The following DIDO1 variants were observed in gnomAD, a reference collection of about 807,000 sequenced individuals.
DIDO1 encodes death inducer-obliterator 1, also known as death-inducer obliterator 1.
DIDO1 carries 16 observed loss-of-function variants against 99.4 expected under a neutral mutation model. The observed-to-expected ratio is 0.16, with a 90% CI of 0.11 to 0.24. DIDO1 has a LOEUF of 0.24. Ranked by LOEUF, DIDO1 falls within the 10% of genes least tolerant of loss-of-function variation. The pLI, the probability that DIDO1 is intolerant of heterozygous loss-of-function variation, is 1.00. For synonymous variants in DIDO1, 1,366 were observed against 1,239.1 expected (o/e 1.10, Z -2.15); for missense variants, 2,996 against 3,014.0 (o/e 0.99, Z 0.14).
intron 5 of DIDO1, 24 bp downstream of exon 5, chr20:62,907,108 TGCGTCCACTGCCTGG>T: frequency 6.2e-7 from 1 of 1,605,284 alleles, no homozygotes; most frequent in Non-Finnish European, 8.5e-7. Flanking sequence ...CTCACGCCTG[TGCGTCCACTGCCTGG>T]GCGGCTGGTC....
At chr20:62,910,061 T>G in intron 3 of DIDO1, 41 bp from the exon 4 acceptor site, 1 of 1,574,946 alleles carries the variant, frequency 6.3e-7, no homozygotes, top group Non-Finnish European at 8.6e-7. Flanking sequence ...GGGACGTGAG[T>G]GACAAGCACT....
upstream of DIDO1, among the ~76,000 whole-genome samples, chr20:62,929,759 T>TTG (rs1491111798): frequency 1.1e-4 from 4 of 37,202 alleles, no homozygotes; most frequent in African/African-American, 8.0e-4. Context: ...CACTGTTTTG[T>TTG]TTTTTTTTTT....
intron 1 of DIDO1, among the ~76,000 whole-genome samples, chr20:62,937,540 G>C (rs2065404273): frequency 1.3e-5 from 2 of 152,258 alleles, no homozygotes; most frequent in Non-Finnish European, 2.9e-5. Context: ...TCCCCACCTG[G>C]CCTCGAGTGA....
rs1011765168 is a variant in DIDO1, at chr20:62,890,975, G to A, written c.3526C>T (p.Pro1176Ser). 4 of 1,613,962 alleles carry A rather than the reference G, an allele frequency of 2.5e-6. No individual in the cohort carries two copies. The highest frequency in any genetic ancestry group is 3.4e-6 in the Non-Finnish European group (4 of 1,180,042). The change falls in exon 15 of 16, where the codon CCC becomes TCC. Residue 1176 changes from proline to serine, a missense_variant. Transcript: ENST00000395343. The part of the protein sequence containing the change: ...AQDPVPSKLL[P>S]FEGPGLESPR... ...CGGCGCTTACCTGGTCCCTCAAAGG[G>A]CAAGAGTTTGGATGGAACAGGGTCC...
intron 15 of DIDO1, chr20:62,888,553 C>G: frequency 1.0e-6 from 1 of 985,588 alleles, no homozygotes; most frequent in South Asian, 4.7e-5. Context: ...TCACCACCAT[C>G]AGCACCCTCA....
At chr20:62,928,221 G>C (rs1015499228), upstream of DIDO1, among the ~76,000 whole-genome samples, 3 of 152,166 alleles carry the variant, frequency 2.0e-5, no homozygotes, top group South Asian at 6.2e-4. Flanking sequence ...AGGAGAGATA[G>C]ATGGAAAGGC....
Position 62,894,462 on chromosome 20 carries a change from G to A in DIDO1, c.2523C>T (p.Thr841=), listed in dbSNP as rs1386104806. The A allele has an allele frequency of 2.5e-6, 4 of 1,613,604 alleles. No homozygotes were observed. The highest frequency in any genetic ancestry group is 3.4e-6 in the Non-Finnish European group (4 of 1,180,030). Reference sequence around the variant, plus strand: ...CGAAGAGGTGTGCGCGGTGCTGACTGGTGGTGTCTTTCAACATGCTGCTGA... The same window carrying A: ...CGAAGAGGTGTGCGCGGTGCTGACTAGTGGTGTCTTTCAACATGCTGCTGA... ...DVFSSMLKDT[T]SQHRAHLFDL... Residue 841 remains threonine, a synonymous_variant, in exon 11 of 16, where the codon ACC becomes ACT. Transcript: ENST00000395343. This position sits in a 1 kb window ranked among gnomAD's most constrained non-coding sequence, Gnocchi z 4.4.
rs1340293420 is a variant in DIDO1, at chr20:62,881,075, C to T, written c.4881G>A (p.Ala1627=). The T allele has an allele frequency of 1.9e-5, 31 of 1,608,692 alleles. No homozygotes were observed. The highest frequency in any genetic ancestry group is 2.5e-5 in the Non-Finnish European group (30 of 1,179,364). Residue 1627 remains alanine (A), a synonymous_variant, in exon 16 of 16, where the codon GCG becomes GCA. Coordinates refer to ENST00000395343, the MANE Select transcript of DIDO1 (RefSeq NM_001193369.2). This position sits in a 1 kb window ranked among gnomAD's most constrained non-coding sequence, Gnocchi z 8.3. Reference sequence around the variant, plus strand: ...CCTTCCAGCCGTCCTGCTCGGACCCCGCTGGGGGCTTTTCGCCCGAAGCCC... The same window carrying T: ...CCTTCCAGCCGTCCTGCTCGGACCCTGCTGGGGGCTTTTCGCCCGAAGCCC... ...SPWASGEKPP[A]GSEQDGWKAE... is the part of the protein sequence containing the mutation.
intron 15 of DIDO1, chr20:62,888,363 G>A (rs2064331257): frequency 2.1e-5 from 21 of 985,538 alleles, no homozygotes; most frequent in Non-Finnish European, 2.2e-5. Context: ...TCAGTGCCCT[G>A]ATGCAGACGG....
Position 62,881,531 on chromosome 20 carries a change from T to A in DIDO1, c.4425A>T (p.Gln1475His). ...TGTTCAGCTCTTCTAGCATCTTCTG[T>A]TGCTCCACCAGGGAGGGCGTCGCAG... ...AGAATPSLVE[Q>H]QKMLEELNKQ... Residue 1475 changes from glutamine (Q) to histidine (H), a missense_variant, in exon 16 of 16, where the codon CAA becomes CAT. By Grantham distance (24) the Gln-to-His change is conservative. Around this residue, in one of 5 missense-constraint regions of DIDO1, gnomAD observed 1,562 missense variants for 1,412.6 expected, o/e 1.11. Coordinates refer to ENST00000395343, the MANE Select transcript of DIDO1 (RefSeq NM_001193369.2). This position sits in a 1 kb window ranked among gnomAD's most constrained non-coding sequence, Gnocchi z 8.3. The A allele has an allele frequency of 6.2e-7, 1 of 1,611,716 alleles. No homozygotes were observed.
At chr20:62,937,790 T>C (rs1480185858) in intron 1 of DIDO1, 1 of 398,180 alleles carries the variant, frequency 2.5e-6, no homozygotes, top group East Asian at 3.6e-5. Context: ...GGAAAAAAGC[T>C]GGGACCTTCG....
chr20:62,936,512 G>GC (rs1350691897), intron 1 of DIDO1, among the ~76,000 whole-genome samples: 1 of 151,134 alleles, frequency 6.6e-6, no homozygotes, highest in African/African-American at 2.4e-5. Flanking sequence ...TCGAGATCAT[G>GC]ACAGTGCACT....
intron 1 of DIDO1, among the ~76,000 whole-genome samples, chr20:62,917,523 C>A (rs1356440667): frequency 6.6e-6 from 1 of 152,212 alleles, no homozygotes. Flanking sequence ...CATGCTGAGT[C>A]TGAAAACTGT....
chr20:62,937,066 G>C (rs540878562), intron 1 of DIDO1, among the ~76,000 whole-genome samples: 1 of 152,296 alleles, frequency 6.6e-6, no homozygotes, highest in East Asian at 1.9e-4. Context: ...ACTTACTGTC[G>C]CTGAGTAGAC....
Position 62,879,856 on chromosome 20 carries a change from G to C in DIDO1, c.6100C>G (p.Pro2034Ala), listed in dbSNP as rs771030111. 3.1e-6 allele frequency: 5 copies of C among 1,596,904 alleles called. No individual in the cohort carries two copies. The highest frequency in any genetic ancestry group is 2.7e-5 in the African/African-American group (2 of 74,248). ...RPLLELPSHP[P>A]QHRKDRWEEA... The stretch of plus-strand genomic sequence containing the variant: ...TCCCAGCGGTCCTTCCGGTGCTGCG[G>C]GGGGTGGCTGGGAAGCTCCAGCAGG... Residue 2034 changes from proline to alanine, a missense_variant, in exon 16 of 16, where the codon CCG (proline) becomes GCG (alanine). By Grantham distance (27) the Pro-to-Ala change is conservative. Around this residue, in one of 5 missense-constraint regions of DIDO1, gnomAD observed 1,562 missense variants for 1,412.6 expected, o/e 1.11. Transcript: ENST00000395343. This position sits in a 1 kb window ranked among gnomAD's most constrained non-coding sequence, Gnocchi z 6.3.
At chr20:62,912,891 G>T (rs1269202871) in intron 2 of DIDO1, among the ~76,000 whole-genome samples, 2 of 152,180 alleles carry the variant, frequency 1.3e-5, no homozygotes, top group Admixed American at 1.3e-4. Context: ...AATTAGCTGG[G>T]CATGGTGGCA....
rs2064157415 is a variant in DIDO1, at chr20:62,879,431, C to T, written c.6525G>A (p.Arg2175=). The change falls in exon 16 of 16, where the codon CGG becomes CGA. Residue 2175 remains arginine, a synonymous_variant. Transcript: ENST00000395343. The surrounding 1 kb of genome is among the most constrained non-coding windows in gnomAD (Gnocchi z 6.3). The stretch of plus-strand genomic sequence containing the variant: ...CTCGCTCGCGCTCTCGGTTCCTGCT[C>T]CGCTCCCGGCTGCGGTCCCACTCCT... ...RGKEWDRSRE[R]SRNRERERDR... is the part of the protein sequence containing the mutation. 2 of 1,547,476 alleles carry T rather than the reference C, an allele frequency of 1.3e-6. No individual in the cohort carries two copies. The highest frequency in any genetic ancestry group is 1.9e-5 in the Admixed American group (1 of 51,690).
rs60445619 is a variant in DIDO1 at position 62,882,689 on chromosome 20, G to A, written c.3542-275C>T. On this transcript the variant is annotated intron_variant, in intron 15 of 15. Transcript: ENST00000395343. ...ATGTGAAGGGGGCGACTAACCCCTC[G>A]TCACCAACCATGGAACCGAAGGCCC... 8.8e-3 allele frequency among the ~76,000 whole-genome samples: 1,332 copies of A among 152,166 alleles called. 20 individuals are homozygous for A. The highest frequency in any genetic ancestry group is 0.03 in the African/African-American group (1,256 of 41,512).
Position 62,881,363 on chromosome 20 carries a change from C to T in DIDO1, c.4593G>A (p.Lys1531=), listed in dbSNP as rs1345500137. ...GCTGCTCTTGCTGGAACAGCTCTGC[C>T]TTGGGCAAGGACGACTTTGGTGGTG... is the stretch of plus-strand genomic sequence containing the variant. ...MSPPPKSSLP[K]AELFQQEQQS... The change falls in exon 16 of 16, where the codon AAG becomes AAA. Residue 1531 remains lysine (K), a synonymous_variant. Transcript: ENST00000395343. The surrounding 1 kb of genome is among the most constrained non-coding windows in gnomAD (Gnocchi z 8.3). 1 of 1,606,356 alleles carries T rather than the reference C, an allele frequency of 6.2e-7. No homozygotes were observed. Among genetic ancestry groups the T allele is most frequent in the South Asian group, 1.1e-5 (1 of 91,076 alleles).
Sources: gnomAD v4.1 joint callset for allele counts (sites outside exome capture counted in the v4.1 genomes callset) on GRCh38, gnomAD v4.1.1 for gene constraint, gnomAD v4.1.1 regional missense constraint, Gnocchi (gnomAD v3.1) non-coding constraint, MANE v1.5 for transcripts, NCBI Gene and HGNC (gene_info 2026-07-23, HGNC 2026-07-21) for gene names.